B4GALNT3: variants seen among roughly 807,000 people sequenced by gnomAD.
B4GALNT3 encodes beta-1,4-N-acetylgalactosaminyltransferase 3.
Under a neutral mutation model 120.2 loss-of-function variants are expected in B4GALNT3, and 86 were observed. The ratio of observed to expected loss-of-function variants is 0.72; its 90% CI spans 0.60 to 0.86. B4GALNT3 has a LOEUF of 0.86. B4GALNT3 is among the 40% of genes least tolerant of loss of function. B4GALNT3 has a pLI of 0.00. For missense variants in B4GALNT3, 1,167 were observed against 1,298.9 expected, an observed-to-expected ratio of 0.90 and a Z score of 1.56; for synonymous variants, 518 against 510.4, an observed-to-expected ratio of 1.01 and a Z score of -0.20.
At chr12:465,279 T>C (rs1946065694) in intron 1 of B4GALNT3, among the ~76,000 whole-genome samples, 1 of 152,172 alleles carries the variant, frequency 6.6e-6, no homozygotes, top group South Asian at 2.1e-4. Flanking sequence ...TATGTGTGTC[T>C]TCTAATCAAC....
intron 1 of B4GALNT3, among the ~76,000 whole-genome samples, chr12:470,475 C>A (rs746894357): frequency 1.3e-5 from 2 of 152,236 alleles, no homozygotes; most frequent in Admixed American, 1.3e-4. Flanking sequence ...CAAAGGTGGG[C>A]AGGAGGATGA....
intron 1 of B4GALNT3, among the ~76,000 whole-genome samples, chr12:504,289 A>C (rs1946472871): frequency 7.0e-6 from 1 of 142,856 alleles, no homozygotes; most frequent in Non-Finnish European, 1.5e-5. Context: ...TAAAAAAAAA[A>C]CAAAAACAAA....
chr12:460,350 T>TGGC lies in B4GALNT3; in HGVS notation c.-20_-18dup. ...CGGCTCGGGGGGTTGGAGCCCGCGC[T>TGGC]GGCGGCGGCCGCCTCGGCGCAGCGC... On this transcript the variant is annotated 5_prime_UTR_variant, in exon 1 of 20. Coordinates refer to ENST00000266383, the MANE Select transcript of B4GALNT3 (RefSeq NM_173593.4). The surrounding 1 kb of genome is among the most constrained non-coding windows in gnomAD (Gnocchi z 8.0). The TGGC allele has an allele frequency of 9.1e-7, 1 of 1,103,644 alleles. No individual in the cohort carries two copies. Among genetic ancestry groups the TGGC allele is most frequent in the Non-Finnish European group, 1.1e-6 (1 of 907,400 alleles). 68.4% of individuals were successfully genotyped at this position (1,103,644 alleles called of 1,614,324 possible).
chr12:542,284 G>A (rs926800882), intron 3 of B4GALNT3, among the ~76,000 whole-genome samples: 3 of 152,078 alleles, frequency 2.0e-5, no homozygotes, highest in African/African-American at 7.2e-5. Context: ...TTCCCCAGAG[G>A]CTGCGCCCAC....
intron 9 of B4GALNT3, among the ~76,000 whole-genome samples, chr12:549,388 A>G (rs1947048123): frequency 6.6e-6 from 1 of 152,266 alleles, no homozygotes; most frequent in South Asian, 2.1e-4. Context: ...TTTGGAGATT[A>G]GAAGGGTTCA....
chr12:493,592 G>GTTTTTTTTTTTTT (rs34112834), intron 1 of B4GALNT3, among the ~76,000 whole-genome samples: 2 of 147,192 alleles, frequency 1.4e-5, no homozygotes. Flanking sequence ...AAATATAATG[G>GTTTTTTTTTTTTT]TTTTTTTTTT....
At chr12:511,419 C>G (rs548528126) in intron 1 of B4GALNT3, among the ~76,000 whole-genome samples, 1 of 113,188 alleles carries the variant, frequency 8.8e-6, no homozygotes, top group South Asian at 3.6e-4. Flanking sequence ...TTCCACCTTC[C>G]ACCTTCCACC....
rs12424116 is a variant in B4GALNT3 at position 460,808 on chromosome 12, C to T, written c.169+263C>T. On this transcript the variant is annotated intron_variant, in intron 1 of 19. Transcript: ENST00000266383. The surrounding 1 kb of genome is among the most constrained non-coding windows in gnomAD (Gnocchi z 8.0). ...CCTGGGGGCTCCTCGCGTCTCCCCT[C>T]GGAGAGCGACCCGGAGAGAGGCTCC... Among the ~76,000 whole-genome samples, 1 of 151,882 alleles carries T rather than the reference C, an allele frequency of 6.6e-6. No homozygotes were observed. Among genetic ancestry groups the T allele is most frequent in the Non-Finnish European group, 1.5e-5 (1 of 67,924 alleles).
At chr12:512,187 C>CCTT (rs1946583485) in intron 1 of B4GALNT3, among the ~76,000 whole-genome samples, 1 of 99,872 alleles carries the variant, frequency 1.0e-5, no homozygotes, top group Non-Finnish European at 2.0e-5. Context: ...CCGCCTTCCA[C>CCTT]CTTCCGCCTT....
rs1302318689 is a variant in B4GALNT3, at chr12:552,547, G to A, written c.1270+19G>A. On this transcript the variant is annotated intron_variant, in intron 13 of 19. Coordinates refer to ENST00000266383, the MANE Select transcript of B4GALNT3 (RefSeq NM_173593.4). ...CAGCCAGGTACAGAGTGACAGCTGA[G>A]GCTTCCAGGTCAGGCTGAGAGGGGC... The A allele has an allele frequency of 6.2e-7, 1 of 1,612,176 alleles. No individual in the cohort carries two copies. Among genetic ancestry groups the A allele is most frequent in the Non-Finnish European group, 8.5e-7 (1 of 1,178,780 alleles).
rs1319278549 is a variant in B4GALNT3, at chr12:550,008, ATCCC to A, written c.997+97_997+100del. On this transcript the variant is annotated intron_variant, in intron 10 of 19. Coordinates refer to ENST00000266383, the MANE Select transcript of B4GALNT3 (RefSeq NM_173593.4). This position sits in a 1 kb window ranked among gnomAD's most constrained non-coding sequence, Gnocchi z 4.1. ...AGAAGGCTTGAGAGACCTGCCAAGT[ATCCC>A]AATCACCGTAGAACTTTTTATCGTC... 1 of 1,366,216 alleles carries A rather than the reference ATCCC, an allele frequency of 7.3e-7. No individual in the cohort carries two copies. The highest frequency in any genetic ancestry group is 1.0e-6 in the Non-Finnish European group (1 of 1,000,182). The allele number at this position is 1,366,216 out of a possible 1,614,324, so 84.6% of individuals were successfully genotyped here. A position where few individuals can be genotyped will look rare whatever the true frequency, so the allele number is the denominator to read the frequency against.
intron 9 of B4GALNT3, among the ~76,000 whole-genome samples, chr12:549,108 C>T (rs1947043999): frequency 6.6e-6 from 1 of 152,146 alleles, no homozygotes; most frequent in Non-Finnish European, 1.5e-5. Flanking sequence ...ATCCTCAGGC[C>T]CCGTTGAAAA....
chr12:518,386 G>A (rs1946676632), intron 1 of B4GALNT3, among the ~76,000 whole-genome samples: 1 of 152,154 alleles, frequency 6.6e-6, no homozygotes, highest in South Asian at 2.1e-4. Flanking sequence ...ATATGGTGCA[G>A]TATTTGCATA....
chr12:493,081 A>C (rs891456982), intron 1 of B4GALNT3, among the ~76,000 whole-genome samples: 3 of 152,232 alleles, frequency 2.0e-5, no homozygotes, highest in African/African-American at 7.2e-5. Context: ...CATGAGAAAC[A>C]ATTGATAAGC....
chr12:543,472 T>C lies in B4GALNT3; in HGVS notation c.352-867T>C, dbSNP rs375923538. 1.2e-3 allele frequency among the ~76,000 whole-genome samples: 88 copies of C among 75,070 alleles called. No homozygotes were observed. The East Asian group carries it at 0.014, about 12-fold the overall frequency. The allele number at this position is 75,070 out of a possible 152,430, so 49.2% of individuals were successfully genotyped here. ...GGCGGGCATGGGGTGCTCATCTTCC[T>C]GGAGCTGAGGAGCTGGGACGGGCAT... On this transcript the variant is annotated intron_variant, in intron 3 of 19. Coordinates refer to ENST00000266383, the MANE Select transcript of B4GALNT3 (RefSeq NM_173593.4).
intron 1 of B4GALNT3, among the ~76,000 whole-genome samples, chr12:475,503 C>T (rs10849067): frequency 1.3e-5 from 2 of 152,066 alleles, no homozygotes; most frequent in Non-Finnish European, 2.9e-5. Context: ...CCTGTCCCGG[C>T]AGAACCGGAG....
rs754835864 is a variant in B4GALNT3 at position 535,220 on chromosome 12, C to T, written c.224C>T (p.Ala75Val). 1.9e-6 allele frequency: 3 copies of T among 1,613,936 alleles called. No homozygotes were observed. Among genetic ancestry groups the T allele is most frequent in the Non-Finnish European group, 2.5e-6 (3 of 1,179,980 alleles). ...GCTCTGGCCAGCAGGAACATTCCAG[C>T]TGTGGATCCACACCTCCAGTTCTAC... ...AKALASRNIP[A>V]VDPHLQFYHP... The change falls in exon 2 of 20, where the codon GCT (alanine) becomes GTT (valine). Residue 75 changes from alanine (A) to valine (V), a missense_variant. By Grantham distance (64) the Ala-to-Val change is moderately conservative. Around this residue, in one of 3 missense-constraint regions of B4GALNT3, gnomAD observed 171 missense variants for 161.3 expected, o/e 1.06. Coordinates refer to ENST00000266383, the MANE Select transcript of B4GALNT3 (RefSeq NM_173593.4).
intron 6 of B4GALNT3, among the ~76,000 whole-genome samples, chr12:545,726 T>G (rs1200723492): frequency 1.4e-5 from 1 of 70,468 alleles, no homozygotes; most frequent in Non-Finnish European, 2.7e-5. Context: ...GAGCGAGGTG[T>G]GGGGAGGAGC....
At chr12:538,577 A>AG (rs1946884371) in intron 3 of B4GALNT3, among the ~76,000 whole-genome samples, 1 of 151,948 alleles carries the variant, frequency 6.6e-6, no homozygotes, top group African/African-American at 2.4e-5. Context: ...AAAAAAAAAA[A>AG]AAAAGAAATA....
Sources: allele counts gnomAD v4.1 joint callset (sites outside exome capture counted in the v4.1 genomes callset), GRCh38; gene constraint gnomAD v4.1.1; regional missense constraint gnomAD v4.1.1; non-coding constraint Gnocchi (gnomAD v3.1); transcripts MANE v1.5; gene names NCBI Gene and HGNC (gene_info 2026-07-23, HGNC 2026-07-21).